The following CELSR1 variants were observed in gnomAD, a reference collection of about 807,000 sequenced individuals.
The protein encoded by CELSR1 is cadherin EGF LAG seven-pass G-type receptor 1.
Under a neutral mutation model 249.1 loss-of-function variants are expected in CELSR1, and 110 were observed. The ratio of observed to expected loss-of-function variants is 0.44; its 90% confidence interval spans 0.38 to 0.52. The LOEUF (loss-of-function observed/expected upper bound fraction) is 0.52, where lower values mean the gene tolerates loss of function less well. Ranked by LOEUF, CELSR1 falls within the 20% of genes least tolerant of loss-of-function variation. The pLI, the probability that CELSR1 is intolerant of heterozygous loss-of-function variation, is 0.00. For missense variants in CELSR1, 4,109 were observed against 4,296.4 expected (o/e 0.96, Z 1.22); for synonymous variants, 2,113 against 1,900.0 (o/e 1.11, Z -2.92).
rs574706778 is a variant in CELSR1, at chr22:46,533,129, G to A, written c.3544+498C>T. On this transcript the variant is annotated intron_variant, in intron 1 of 34. Coordinates refer to ENST00000674500, the MANE Select transcript of CELSR1 (RefSeq NM_001378328.1). ...TTATCTGCAGGAGACAGAAAAGCCA[G>A]ACCAAGGGAACACCGGCTGCATTAT... Among the ~76,000 whole-genome samples the A allele has an allele frequency of 2.0e-3, 300 of 152,324 alleles. 2 individuals carry two copies. Among genetic ancestry groups the A allele is most frequent in the Admixed American group, 4.9e-3 (75 of 15,306 alleles).
chr22:46,477,874 T>C (rs1014542479), intron 1 of CELSR1, among the ~76,000 whole-genome samples: 21 of 152,092 alleles, frequency 1.4e-4, no homozygotes, highest in Admixed American at 1.0e-3. Flanking sequence ...AGGTACCCCA[T>C]GGCAGCACTG....
At position 46,395,806 on chromosome 22, in the gene CELSR1, C is replaced by T. The variant is rs376486782; in HGVS notation, c.5843+799G>A. 2.0e-5 allele frequency among the ~76,000 whole-genome samples: 3 copies of T among 152,192 alleles called. No homozygotes were observed. In the East Asian group the frequency reaches 5.8e-4, roughly 29 times the overall value. On this transcript the variant is annotated intron_variant, in intron 13 of 34. Transcript: ENST00000674500. This position sits in a 1 kb window ranked among gnomAD's most constrained non-coding sequence, Gnocchi z 5.5. ...GTTTATGAAGAACCCAGCAGCTCCA[C>T]CTTGGACAAAGTGACGCTTGTGATG...
At chr22:46,485,500 C>G (rs1420368832) in intron 1 of CELSR1, among the ~76,000 whole-genome samples, 1 of 152,204 alleles carries the variant, frequency 6.6e-6, no homozygotes, top group African/African-American at 2.4e-5. Context: ...AGGCTGCATG[C>G]GGGGCCGCCA....
At chr22:46,475,352 G>A (rs970475123) in intron 1 of CELSR1, among the ~76,000 whole-genome samples, 3 of 152,192 alleles carry the variant, frequency 2.0e-5, no homozygotes, top group Admixed American at 2.0e-4. Context: ...ATCACACTGA[G>A]TGAAAGAGGC....
chr22:46,419,813 T>A (rs910459139), intron 5 of CELSR1, among the ~76,000 whole-genome samples: 1 of 146,668 alleles, frequency 6.8e-6, no homozygotes, highest in Non-Finnish European at 1.5e-5. Flanking sequence ...GCACATGCAC[T>A]CATACTCGTG....
rs754423314 is a variant in CELSR1 at position 46,364,719 on chromosome 22, G to T, written c.8572C>A (p.His2858Asn). 1.2e-6 allele frequency: 2 copies of T among 1,612,212 alleles called. No individual in the cohort carries two copies. Among genetic ancestry groups the T allele is most frequent in the Admixed American group, 1.7e-5 (1 of 59,990 alleles). ...STPKGDAVANHVPAGWPDQSL... is the reference protein window; with the variant it reads ...STPKGDAVANNVPAGWPDQSL... ...TGGTCGGGCCAGCCGGCCGGAACGT[G>T]GTTGGCCACAGCGTCCCCTGAGGCA... Residue 2858 changes from histidine to asparagine, a missense_variant, in exon 33 of 35, where the codon CAC (histidine) becomes AAC (asparagine). By Grantham distance (68) the His-to-Asn change is moderately conservative (BLOSUM62 1). Coordinates refer to ENST00000674500, the MANE Select transcript of CELSR1 (RefSeq NM_001378328.1).
chr22:46,419,409 T>C (rs976539416), intron 5 of CELSR1, among the ~76,000 whole-genome samples: 1 of 152,178 alleles, frequency 6.6e-6, no homozygotes, highest in Admixed American at 6.5e-5. Flanking sequence ...TGTTCCTCTA[T>C]GGGTGGGAGG....
intron 3 of CELSR1, among the ~76,000 whole-genome samples, chr22:46,438,745 CA>C (rs2079698360): frequency 6.6e-6 from 1 of 152,100 alleles, no homozygotes; most frequent in East Asian, 1.9e-4. Flanking sequence ...CAAACAAAGA[CA>C]CAGAAGGAAT....
intron 1 of CELSR1, among the ~76,000 whole-genome samples, chr22:46,498,755 G>A (rs1193296738): frequency 2.0e-5 from 3 of 152,152 alleles, no homozygotes; most frequent in Non-Finnish European, 4.4e-5. Context: ...GGGATGGTGG[G>A]AGAGACTCTT....
rs1206574627 is a variant in CELSR1, at chr22:46,391,778, C to A, written c.6003G>T (p.Leu2001=). The A allele has an allele frequency of 1.9e-6, 3 of 1,612,658 alleles. No homozygotes were observed. In the African/African-American group the frequency reaches 4.0e-5, roughly 22 times the overall value. ...YYKLLAQDTC[L]PCDCFPHGSH... ...AGCCATGGGGGAAGCAGTCGCAGGG[C>A]AGACAGGTGTCCTGGGCTAGGAGCT... Residue 2001 remains leucine (L), a synonymous_variant, in exon 15 of 35, where the codon CTG becomes CTT. Coordinates refer to ENST00000674500, the MANE Select transcript of CELSR1 (RefSeq NM_001378328.1). This position sits in a 1 kb window ranked among gnomAD's most constrained non-coding sequence, Gnocchi z 4.3.
intron 25 of CELSR1, chr22:46,370,170 G>A (rs2078836178): frequency 2.2e-6 from 1 of 464,852 alleles, no homozygotes; most frequent in African/African-American, 2.0e-5. Context: ...CCATGTAGAG[G>A]TCAGGAGGCC....
intron 1 of CELSR1, among the ~76,000 whole-genome samples, chr22:46,465,376 C>G (rs1200929226): frequency 6.7e-6 from 1 of 150,314 alleles, no homozygotes; most frequent in Non-Finnish European, 1.5e-5. Context: ...TTCCATGGAG[C>G]GTGGGGCCCC....
intron 5 of CELSR1, among the ~76,000 whole-genome samples, chr22:46,425,365 A>T (rs767313553): frequency 1.1e-4 from 17 of 152,230 alleles, no homozygotes; most frequent in Non-Finnish European, 1.9e-4. Flanking sequence ...GAATTGATGT[A>T]ATTCTTTAAA....
chr22:46,513,139 G>T (rs2080590720), intron 1 of CELSR1, among the ~76,000 whole-genome samples: 1 of 152,144 alleles, frequency 6.6e-6, no homozygotes, highest in Admixed American at 6.6e-5. Context: ...AAAATCACGC[G>T]ACTGGGGACA....
intron 25 of CELSR1, 109 bp downstream of exon 25, chr22:46,372,774 G>A: frequency 7.3e-7 from 1 of 1,377,244 alleles, no homozygotes; most frequent in South Asian, 1.4e-5. Flanking sequence ...CTGGGGGCTG[G>A]ACAAGCATTG....
At position 46,367,739 on chromosome 22, in the gene CELSR1, C is replaced by T; in HGVS notation, c.8069G>A (p.Ser2690Asn). 2 of 1,600,764 alleles carry T rather than the reference C, an allele frequency of 1.2e-6. No homozygotes were observed. Among genetic ancestry groups the T allele is most frequent in the Non-Finnish European group, 8.5e-7 (1 of 1,174,996 alleles). Residue 2690 changes from serine to asparagine, a missense_variant, in exon 28 of 35, where the codon AGC becomes AAC. Physicochemically the swap from Ser to Asn is conservative, Grantham distance 46. This residue lies in a region of CELSR1 where 1,805 missense variants were observed against 1,831.6 expected (regional missense o/e 0.99). Transcript: ENST00000674500. ...TCGGCCGTCACCTACCTGTAAGCCG[C>T]TGAAGATGGCGAAGAGGTAGTGAAA... is the stretch of plus-strand genomic sequence containing the variant. ...LSFHYLFAIF[S>N]GLQGPFVLLF...
chr22:46,388,497 A>G (rs572168997), intron 18 of CELSR1, among the ~76,000 whole-genome samples: 1 of 151,780 alleles, frequency 6.6e-6, no homozygotes, highest in South Asian at 2.1e-4. Context: ...GGCCTTATGC[A>G]GACTAGAAGG....
Position 46,365,287 on chromosome 22 carries a change from A to T in CELSR1, c.8498T>A (p.Val2833Glu). The T allele has an allele frequency of 1.2e-6, 2 of 1,612,756 alleles. No individual in the cohort carries two copies. Among genetic ancestry groups the T allele is most frequent in the Non-Finnish European group, 1.7e-6 (2 of 1,179,932 alleles). The change falls in exon 32 of 35, where the codon GTG becomes GAG. Residue 2833 changes from valine to glutamate, a missense_variant. Val to Glu is a moderately radical substitution (Grantham distance 121). Around this residue, in one of 7 missense-constraint regions of CELSR1, gnomAD observed 1,805 missense variants for 1,831.6 expected, o/e 0.99. Coordinates refer to ENST00000674500, the MANE Select transcript of CELSR1 (RefSeq NM_001378328.1). ...CGGGTCCCATTTTTCCTCAGCTCCC[A>T]CCCCATCGTCCTCGCTGTCTGACGA... ...SHSSDSEDDG[V>E]GAEEKWDPAR...
chr22:46,469,369 C>T (rs1174669894), intron 1 of CELSR1, among the ~76,000 whole-genome samples: 1 of 152,230 alleles, frequency 6.6e-6, no homozygotes, highest in Non-Finnish European at 1.5e-5. Flanking sequence ...GGCTGGAGCA[C>T]TGCCCTCCTT....
Sources: gnomAD v4.1 joint callset for allele counts (sites outside exome capture counted in the v4.1 genomes callset) on GRCh38, gnomAD v4.1.1 for gene constraint, gnomAD v4.1.1 regional missense constraint, Gnocchi (gnomAD v3.1) non-coding constraint, MANE v1.5 for transcripts, NCBI Gene and HGNC (gene_info 2026-07-23, HGNC 2026-07-21) for gene names.